SLC24A2: variants seen among roughly 807,000 people sequenced by gnomAD.
The protein encoded by SLC24A2 is solute carrier family 24 member 2, also known as sodium/potassium/calcium exchanger 2.
SLC24A2 carries 36 observed loss-of-function variants against 62.0 expected under a neutral mutation model. That is an observed-to-expected ratio of 0.58 (90% CI 0.44 to 0.77). The LOEUF is 0.77. Ranked by LOEUF, SLC24A2 falls within the 30% of genes least tolerant of loss-of-function variation. The probability of loss-of-function intolerance (pLI) is 0.00; values close to 1 mark genes in which losing one functional copy is unlikely to be tolerated. For missense variants in SLC24A2, 846 were observed against 817.9 expected (o/e 1.03, Z -0.42); for synonymous variants, 358 against 294.0 (o/e 1.22, Z -2.23).
the SLC24A2 span, among the ~76,000 whole-genome samples, chr9:20,204,320 G>C: frequency 6.6e-6 from 1 of 152,154 alleles, no homozygotes; most frequent in East Asian, 1.9e-4. Flanking sequence ...AATTTAGCTG[G>C]AAAAAGAGAC....
chr9:19,751,973 G>A (rs1229388555), intron 2 of SLC24A2, among the ~76,000 whole-genome samples: 4 of 152,144 alleles, frequency 2.6e-5, no homozygotes, highest in Non-Finnish European at 1.5e-5. Flanking sequence ...TGTACCAGCT[G>A]CTTCTCTGCA....
chr9:19,834,321 C>T, the SLC24A2 span, among the ~76,000 whole-genome samples: 183 of 147,058 alleles, frequency 1.2e-3, 1 homozygote, highest in Non-Finnish European at 8.5e-4. Context: ...AAGTTAAAAA[C>T]TTTGAAAAAA....
chr9:20,218,946 T>G, the SLC24A2 span, among the ~76,000 whole-genome samples: 2 of 152,134 alleles, frequency 1.3e-5, no homozygotes, highest in African/African-American at 4.8e-5. Flanking sequence ...ATTTTGTGTA[T>G]GCAGCAATCC....
the SLC24A2 span, among the ~76,000 whole-genome samples, chr9:19,969,335 G>A: frequency 2.0e-5 from 3 of 151,988 alleles, no homozygotes; most frequent in Admixed American, 2.0e-4. Context: ...ACTTGGCTCA[G>A]TGACATTCCC....
chr9:20,097,994 G>A, the SLC24A2 span, among the ~76,000 whole-genome samples: 29 of 151,098 alleles, frequency 1.9e-4, no homozygotes, highest in African/African-American at 6.1e-4. Flanking sequence ...CGCCCGCCTC[G>A]GCCTCCCAAA....
the SLC24A2 span, among the ~76,000 whole-genome samples, chr9:20,100,307 C>T: frequency 1.3e-5 from 2 of 152,176 alleles, no homozygotes; most frequent in African/African-American, 2.4e-5. Context: ...GCCATACACC[C>T]ACCTTGGCCT....
chr9:19,699,275 C>T (rs1181605128), intron 2 of SLC24A2, among the ~76,000 whole-genome samples: 1 of 152,188 alleles, frequency 6.6e-6, no homozygotes, highest in African/African-American at 2.4e-5. Context: ...TGGCTGTAAT[C>T]TGTAAAATGC....
intron 2 of SLC24A2, among the ~76,000 whole-genome samples, chr9:19,735,149 C>G (rs1821467475): frequency 6.6e-6 from 1 of 151,440 alleles, no homozygotes; most frequent in Non-Finnish European, 1.5e-5. Context: ...ACAAAGAACT[C>G]AAACAAATTT....
the SLC24A2 span, among the ~76,000 whole-genome samples, chr9:19,997,256 C>T: frequency 3.3e-5 from 5 of 151,872 alleles, no homozygotes; most frequent in African/African-American, 9.7e-5. Flanking sequence ...GTTTAGGGAA[C>T]CAGCAAAGCA....
At chr9:19,616,719 G>C (rs1817777385) in intron 4 of SLC24A2, among the ~76,000 whole-genome samples, 1 of 152,098 alleles carries the variant, frequency 6.6e-6, no homozygotes, top group Admixed American at 6.6e-5. Flanking sequence ...GAAACTTCCT[G>C]TATCCTGGCA....
chr9:20,205,743 C>T, the SLC24A2 span, among the ~76,000 whole-genome samples: 2 of 150,318 alleles, frequency 1.3e-5, no homozygotes, highest in Non-Finnish European at 2.9e-5. Context: ...TGGAAGATGA[C>T]CGAAGTGAGA....
chr9:20,081,493 G>C, the SLC24A2 span, among the ~76,000 whole-genome samples: 7 of 118,494 alleles, frequency 5.9e-5, no homozygotes, highest in East Asian at 3.0e-4. Context: ...TGGGGGGAGG[G>C]GGGGAGGGAC....
chr9:19,852,762 G>C, the SLC24A2 span, among the ~76,000 whole-genome samples: 1 of 152,054 alleles, frequency 6.6e-6, no homozygotes, highest in African/African-American at 2.4e-5. Flanking sequence ...GATGTCTCCA[G>C]CTTTGTTATT....
the SLC24A2 span, among the ~76,000 whole-genome samples, chr9:19,817,030 T>C: frequency 6.6e-6 from 1 of 152,158 alleles, no homozygotes; most frequent in Non-Finnish European, 1.5e-5. Context: ...AAGGAATGAA[T>C]GCAATTGTTT....
chr9:19,851,323 C>G, the SLC24A2 span, among the ~76,000 whole-genome samples: 1 of 151,584 alleles, frequency 6.6e-6, no homozygotes, highest in African/African-American at 2.4e-5. Context: ...CTGCGCCTGG[C>G]CCAGCATATA....
intron 2 of SLC24A2, among the ~76,000 whole-genome samples, chr9:19,647,048 CCACACACACACACACGCGCGCACACA>C (rs770811803): frequency 5.8e-4 from 71 of 122,086 alleles, no homozygotes; most frequent in Admixed American, 4.0e-3. Context: ...CTCTCTCTTT[CCACACACACACACACGCGCGCACACA>C]CACACACACA....
chr9:19,709,649 G>A (rs1219148137), intron 2 of SLC24A2, among the ~76,000 whole-genome samples: 4 of 150,038 alleles, frequency 2.7e-5, no homozygotes, highest in Non-Finnish European at 4.4e-5. Context: ...GCAAACTATC[G>A]CAAGGACAAA....
At chr9:20,206,110 T>C in the SLC24A2 span, among the ~76,000 whole-genome samples, 4 of 152,352 alleles carry the variant, frequency 2.6e-5, no homozygotes, top group South Asian at 8.3e-4. Flanking sequence ...TGACAGAGTA[T>C]AAAAAGTTTA....
the SLC24A2 span, among the ~76,000 whole-genome samples, chr9:20,261,017 G>A: frequency 1.3e-5 from 2 of 151,576 alleles, no homozygotes; most frequent in South Asian, 2.1e-4. Flanking sequence ...CACCACACCC[G>A]GCTAATTTTT....
Sources: allele counts gnomAD v4.1 joint callset (sites outside exome capture counted in the v4.1 genomes callset), GRCh38; gene constraint gnomAD v4.1.1; transcripts MANE v1.5; gene names NCBI Gene and HGNC (gene_info 2026-07-23, HGNC 2026-07-21).